The following CDH9 variants were observed in gnomAD, a reference collection of about 807,000 sequenced individuals.
CDH9 encodes cadherin-9.
In CDH9, 28 loss-of-function variants were observed where a neutral mutation model predicts 70.9. The ratio of observed to expected loss-of-function variants is 0.40; its 90% confidence interval spans 0.29 to 0.54. The LOEUF is 0.54. CDH9 is among the 20% of genes least tolerant of loss of function. The pLI, the probability that CDH9 is intolerant of heterozygous loss-of-function variation, is 0.59. For missense variants in CDH9, 874 were observed against 984.4 expected (o/e 0.89, Z 1.50); for synonymous variants, 409 against 343.1 (o/e 1.19, Z -2.12).
At position 26,881,256 on chromosome 5, in the gene CDH9, G is replaced by C. The variant is rs776136302; in HGVS notation, c.2250C>G (p.Leu750=). 1.9e-6 allele frequency: 3 copies of C among 1,613,366 alleles called. No homozygotes were observed. The highest frequency in any genetic ancestry group is 2.5e-6 in the Non-Finnish European group (3 of 1,179,458). The change falls in exon 12 of 12, where the codon CTC becomes CTG. Residue 750 remains leucine, a synonymous_variant. Coordinates refer to ENST00000231021, the MANE Select transcript of CDH9 (RefSeq NM_016279.4). The part of the protein sequence containing the change: ...YEGNDSIADS[L]SSLESLTADC... ...CAGCTGTGAGAGATTCCAAAGAACTGAGCGAATCTGCTATGGAATCATTCC... is the reference window on the plus strand; with the variant it reads ...CAGCTGTGAGAGATTCCAAAGAACTCAGCGAATCTGCTATGGAATCATTCC...
At chr5:26,997,923 C>A (rs1742695028) in intron 1 of CDH9, among the ~76,000 whole-genome samples, 1 of 152,152 alleles carries the variant, frequency 6.6e-6, no homozygotes, top group South Asian at 2.1e-4. Flanking sequence ...TGGTCTCGAT[C>A]TCTTGACCTC....
chr5:27,015,093 A>T (rs796714115), intron 1 of CDH9, among the ~76,000 whole-genome samples: 138 of 152,022 alleles, frequency 9.1e-4, no homozygotes, highest in African/African-American at 3.3e-3. Context: ...TCACGTAAGT[A>T]GATTCCATTT....
intron 2 of CDH9, among the ~76,000 whole-genome samples, chr5:26,971,822 A>G (rs148396616): frequency 3.3e-5 from 5 of 152,312 alleles, no homozygotes; most frequent in Admixed American, 1.3e-4. Flanking sequence ...TATAAAATGT[A>G]TAATAACAGA....
intron 2 of CDH9, among the ~76,000 whole-genome samples, chr5:26,930,989 A>C (rs187561218): frequency 7.9e-5 from 12 of 152,266 alleles, no homozygotes; most frequent in African/African-American, 2.9e-4. Context: ...AAAGAAAACC[A>C]ATTATAATCC....
chr5:26,926,015 C>T (rs898571159), intron 2 of CDH9, among the ~76,000 whole-genome samples: 19 of 152,124 alleles, frequency 1.2e-4, no homozygotes, highest in Non-Finnish European at 1.9e-4. Context: ...GGAAGCATTC[C>T]CTTTGAAAAC....
intron 7 of CDH9, 45 bp downstream of exon 7, chr5:26,902,431 T>G: frequency 7.5e-7 from 1 of 1,337,696 alleles, no homozygotes; most frequent in Non-Finnish European, 1.0e-6. Flanking sequence ...AATAGTGAGA[T>G]TATTATATTT....
chr5:26,884,899 T>C (rs1163705861), intron 11 of CDH9, among the ~76,000 whole-genome samples: 1 of 152,186 alleles, frequency 6.6e-6, no homozygotes, highest in Admixed American at 6.6e-5. Flanking sequence ...ACATTCGCTG[T>C]TGGAACATGA....
chr5:26,940,965 A>G (rs1279504976), intron 2 of CDH9, among the ~76,000 whole-genome samples: 1 of 152,218 alleles, frequency 6.6e-6, no homozygotes, highest in African/African-American at 2.4e-5. Context: ...CCGATGTAAT[A>G]GATAGGGTTT....
intron 1 of CDH9, among the ~76,000 whole-genome samples, chr5:27,035,530 A>T (rs1233461076): frequency 6.6e-6 from 1 of 151,792 alleles, no homozygotes; most frequent in East Asian, 1.9e-4. Context: ...TTTGGATTAT[A>T]TTTAGCATGC....
Position 26,895,388 on chromosome 5 carries a change from G to A in CDH9, c.1254-4824C>T, listed in dbSNP as rs540536212. Among the ~76,000 whole-genome samples, 9 of 152,002 alleles carry A rather than the reference G, an allele frequency of 5.9e-5. No individual in the cohort carries two copies. The South Asian group carries it at 1.9e-3, about 32-fold the overall frequency. On this transcript the variant is annotated intron_variant, in intron 7 of 11. Coordinates refer to ENST00000231021, the MANE Select transcript of CDH9 (RefSeq NM_016279.4). ...TTGCAATAAAATCAAGCAAATATGA[G>A]AGAAGCACCACTATACAGGAATGCA...
intron 11 of CDH9, among the ~76,000 whole-genome samples, chr5:26,884,892 T>C (rs1456022128): frequency 2.0e-5 from 3 of 152,152 alleles, no homozygotes; most frequent in Non-Finnish European, 4.4e-5. Context: ...AAATAAAACA[T>C]TCGCTGTTGG....
chr5:26,953,466 C>T (rs1231744314), intron 2 of CDH9, among the ~76,000 whole-genome samples: 2 of 152,122 alleles, frequency 1.3e-5, no homozygotes, highest in Admixed American at 1.3e-4. Context: ...ACACTTTCTC[C>T]CTAAGTCGTT....
At chr5:26,966,994 G>A (rs868073329) in intron 2 of CDH9, among the ~76,000 whole-genome samples, 2 of 152,168 alleles carry the variant, frequency 1.3e-5, no homozygotes, top group Middle Eastern at 6.8e-3. Flanking sequence ...GTGCAGTGGT[G>A]AGATCACAGC....
chr5:27,024,495 A>G (rs183774100), intron 1 of CDH9, among the ~76,000 whole-genome samples: 28 of 152,170 alleles, frequency 1.8e-4, no homozygotes, highest in African/African-American at 6.7e-4. Context: ...GGCAAGAAAA[A>G]CTAAAATATG....
At chr5:26,938,283 A>T (rs1741596283) in intron 2 of CDH9, among the ~76,000 whole-genome samples, 1 of 151,694 alleles carries the variant, frequency 6.6e-6, no homozygotes, top group African/African-American at 2.4e-5. Flanking sequence ...CTCATTATCT[A>T]TTATATATAT....
chr5:26,910,030 C>T (rs1270100473), intron 3 of CDH9, among the ~76,000 whole-genome samples: 1 of 151,930 alleles, frequency 6.6e-6, no homozygotes, highest in Non-Finnish European at 1.5e-5. Context: ...TATATTTACA[C>T]ATCATATTAG....
At chr5:26,933,809 AAC>A (rs1741508599) in intron 2 of CDH9, among the ~76,000 whole-genome samples, 1 of 151,862 alleles carries the variant, frequency 6.6e-6, no homozygotes, top group East Asian at 1.9e-4. Flanking sequence ...AATAAAATAA[AAC>A]AAAATAATAA....
chr5:26,892,150 T>A (rs1421382012), intron 7 of CDH9, among the ~76,000 whole-genome samples: 2 of 152,210 alleles, frequency 1.3e-5, no homozygotes, highest in Non-Finnish European at 2.9e-5. Flanking sequence ...CCTTAAAAGA[T>A]AAATTTTTGA....
At chr5:26,913,617 A>G (rs1305564250) in intron 3 of CDH9, among the ~76,000 whole-genome samples, 2 of 152,122 alleles carry the variant, frequency 1.3e-5, no homozygotes, top group Non-Finnish European at 2.9e-5. Flanking sequence ...GCTTATGTAA[A>G]TGAAATATAG....
Sources: allele counts gnomAD v4.1 joint callset (sites outside exome capture counted in the v4.1 genomes callset), GRCh38; gene constraint gnomAD v4.1.1; transcripts MANE v1.5; gene names NCBI Gene and HGNC (gene_info 2026-07-23, HGNC 2026-07-21).